Variants in KAT6B observed in about 807,000 individuals in gnomAD.
KAT6B encodes histone acetyltransferase KAT6B.
KAT6B carries 10 observed loss-of-function variants against 187.5 expected under a neutral mutation model. That is an observed-to-expected ratio of 0.05 (90% CI 0.03 to 0.09). The LOEUF (loss-of-function observed/expected upper bound fraction) is 0.09, where lower values mean the gene tolerates loss of function less well. Ranked by LOEUF, KAT6B falls within the 10% of genes least tolerant of loss-of-function variation. KAT6B has a pLI of 1.00. For missense variants in KAT6B, 1,952 were observed against 2,558.9 expected, an observed-to-expected ratio of 0.76 and a Z score of 5.12; for synonymous variants, 861 against 926.8, an observed-to-expected ratio of 0.93 and a Z score of 1.29.
At chr10:75,024,296 C>A (rs1177410054) in intron 16 of KAT6B, 2 of 152,190 alleles carry the variant, frequency 1.3e-5, no homozygotes, top group East Asian at 3.8e-4. Flanking sequence ...AGACATCTGG[C>A]ATGTCTTTAA....
At chr10:74,931,034 G>T (rs1848834449) in intron 3 of KAT6B, among the ~76,000 whole-genome samples, 1 of 152,190 alleles carries the variant, frequency 6.6e-6, no homozygotes, top group Non-Finnish European at 1.5e-5. Flanking sequence ...ACACAAACAG[G>T]TTTGAGAACA....
At chr10:74,863,300 G>A (rs2061921254) in intron 3 of KAT6B, among the ~76,000 whole-genome samples, 1 of 152,078 alleles carries the variant, frequency 6.6e-6, no homozygotes, top group African/African-American at 2.4e-5. Flanking sequence ...TCTGTTGTGA[G>A]CCTTTTCCCA....
intron 3 of KAT6B, among the ~76,000 whole-genome samples, chr10:74,850,170 C>T (rs907777292): frequency 6.6e-6 from 1 of 152,122 alleles, no homozygotes; most frequent in Non-Finnish European, 1.5e-5. Context: ...AATCTCCTGA[C>T]CTCGTGATCC....
chr10:75,015,373 G>A (rs561436545), intron 13 of KAT6B, among the ~76,000 whole-genome samples: 2 of 152,200 alleles, frequency 1.3e-5, no homozygotes, highest in East Asian at 3.9e-4. Context: ...TTTAGAGCAC[G>A]GCTGTTCTCT....
chr10:75,013,114 A>G (rs1320044338), intron 13 of KAT6B, among the ~76,000 whole-genome samples: 1 of 152,154 alleles, frequency 6.6e-6, no homozygotes, highest in Non-Finnish European at 1.5e-5. Flanking sequence ...TCACTGGGTC[A>G]GGCCATTTTC....
intron 3 of KAT6B, among the ~76,000 whole-genome samples, chr10:74,947,319 A>C (rs1198081277): frequency 6.6e-6 from 1 of 152,212 alleles, no homozygotes; most frequent in African/African-American, 2.4e-5. Flanking sequence ...CAAACTAAAA[A>C]CAACAACTGT....
At chr10:74,958,818 T>C (rs940932722) in intron 3 of KAT6B, among the ~76,000 whole-genome samples, 1 of 151,992 alleles carries the variant, frequency 6.6e-6, no homozygotes, top group Non-Finnish European at 1.5e-5. Flanking sequence ...GGCGGGCGGA[T>C]CATGAGGTCA....
chr10:74,898,119 A>G (rs1846113818), intron 3 of KAT6B, among the ~76,000 whole-genome samples: 1 of 152,144 alleles, frequency 6.6e-6, no homozygotes, highest in African/African-American at 2.4e-5. Context: ...TTTATTGTAG[A>G]ATGTTTACTT....
chr10:74,895,958 T>C (rs1845957879), intron 3 of KAT6B, among the ~76,000 whole-genome samples: 1 of 151,896 alleles, frequency 6.6e-6, no homozygotes, highest in Non-Finnish European at 1.5e-5. Context: ...GTTGTTGTTG[T>C]TGTTTTTTTT....
At chr10:74,892,837 A>C (rs564297700) in intron 3 of KAT6B, among the ~76,000 whole-genome samples, 1 of 152,086 alleles carries the variant, frequency 6.6e-6, no homozygotes, top group African/African-American at 2.4e-5. Context: ...GCTTTCCTGG[A>C]GTTTGGGGAT....
chr10:74,955,388 C>CG lies in KAT6B; in HGVS notation c.622-4582_622-4581insG, dbSNP rs1417882114. Reference sequence around the variant, plus strand: ...AGTAAAGGGACACAATTTTATCCCCCCCCCCCCAACTTTTTGTTTGGAAAA... The same window carrying CG: ...AGTAAAGGGACACAATTTTATCCCCCGCCCCCCCAACTTTTTGTTTGGAAAA... On this transcript the variant is annotated intron_variant, in intron 3 of 17. Transcript: ENST00000287239. Among the ~76,000 whole-genome samples, 8 of 142,176 alleles carry CG rather than the reference C, an allele frequency of 5.6e-5. 1 individual carries two copies. The highest frequency in any genetic ancestry group is 1.0e-4 in the African/African-American group (4 of 38,752). The allele number at this position is 142,176 out of a possible 152,430, so 93.3% of individuals were successfully genotyped here. A position where few individuals can be genotyped will look rare whatever the true frequency, so the allele number is the denominator to read the frequency against.
chr10:74,829,440 G>A (rs1262821928), intron 1 of KAT6B, among the ~76,000 whole-genome samples: 4 of 151,772 alleles, frequency 2.6e-5, no homozygotes, highest in Non-Finnish European at 5.9e-5. Context: ...CATTTGTACT[G>A]AGAGAAAAGG....
At position 74,873,305 on chromosome 10, in the gene KAT6B, G is replaced by GA. The variant is rs11310083; in HGVS notation, c.621+29840dup. ...GAGAGATCCCATCTCTACAAAAAAT[G>GA]AAAAAAAAAAAAAGCCAGATGTGAT... On this transcript the variant is annotated intron_variant, in intron 3 of 17. Transcript: ENST00000287239. Among the ~76,000 whole-genome samples the GA allele has an allele frequency of 5.9e-3, 787 of 133,010 alleles. 2 individuals carry two copies. The highest frequency in any genetic ancestry group is 9.9e-3 in the African/African-American group (374 of 37,852). 87.3% of individuals were successfully genotyped at this position (133,010 alleles called of 152,430 possible).
chr10:74,875,783 A>T (rs1336723183), intron 3 of KAT6B, among the ~76,000 whole-genome samples: 1 of 152,070 alleles, frequency 6.6e-6, no homozygotes, highest in Non-Finnish European at 1.5e-5. Context: ...CTTTTTCTCA[A>T]ACATTTAATT....
At chr10:74,918,213 T>C (rs917156746) in intron 3 of KAT6B, among the ~76,000 whole-genome samples, 2 of 152,214 alleles carry the variant, frequency 1.3e-5, no homozygotes, top group African/African-American at 4.8e-5. Context: ...CTGTAATGCC[T>C]ATTGGGCACC....
chr10:74,951,020 A>C (rs976558784), intron 3 of KAT6B, among the ~76,000 whole-genome samples: 1 of 152,170 alleles, frequency 6.6e-6, no homozygotes, highest in African/African-American at 2.4e-5. Flanking sequence ...TGAAATGAAA[A>C]TTAAATTTAA....
chr10:74,979,505 AT>A (rs776126386), intron 10 of KAT6B, among the ~76,000 whole-genome samples, 166 bp downstream of exon 10: 12 of 152,054 alleles, frequency 7.9e-5, no homozygotes, highest in Non-Finnish European at 1.5e-4. Context: ...TTTTTATGGT[AT>A]TCCTTGTTCT....
At chr10:74,898,723 A>G (rs1846162258) in intron 3 of KAT6B, among the ~76,000 whole-genome samples, 1 of 152,154 alleles carries the variant, frequency 6.6e-6, no homozygotes, top group Admixed American at 6.5e-5. Context: ...CTGAAATACT[A>G]TTACTGTGCT....
At chr10:74,978,244 C>T (rs1842289908) in intron 9 of KAT6B, among the ~76,000 whole-genome samples, 2 of 152,186 alleles carry the variant, frequency 1.3e-5, no homozygotes, top group Admixed American at 6.5e-5. Flanking sequence ...CATTCTGCCC[C>T]GATCTATCAG....
Sources: gnomAD v4.1 joint callset for allele counts (sites outside exome capture counted in the v4.1 genomes callset) on GRCh38, gnomAD v4.1.1 for gene constraint, MANE v1.5 for transcripts, NCBI Gene and HGNC (gene_info 2026-07-23, HGNC 2026-07-21) for gene names.